NHSL1: variants seen among roughly 807,000 people sequenced by gnomAD.
The protein encoded by NHSL1 is NHS like 1.
Under a neutral mutation model 95.0 loss-of-function variants are expected in NHSL1, and 48 were observed. The observed-to-expected ratio is 0.51, with a 90% CI of 0.40 to 0.64. NHSL1 has a LOEUF of 0.64. NHSL1 is among the 30% of genes least tolerant of loss of function. NHSL1 has a pLI of 0.00. For synonymous variants in NHSL1, 783 were observed against 833.9 expected (o/e 0.94, Z 1.05); for missense variants, 1,971 against 2,077.7 (o/e 0.95, Z 1.00).
At chr6:138,624,514 T>TA (rs900877393) in intron 1 of NHSL1, among the ~76,000 whole-genome samples, 23 of 151,634 alleles carry the variant, frequency 1.5e-4, no homozygotes, top group African/African-American at 3.4e-4. Flanking sequence ...ATACACACTA[T>TA]AAAAAAAAGG....
chr6:138,628,398 A>G (rs970624253), intron 1 of NHSL1, among the ~76,000 whole-genome samples: 2 of 152,130 alleles, frequency 1.3e-5, no homozygotes, highest in Non-Finnish European at 2.9e-5. Flanking sequence ...TTTAATATGC[A>G]TATTTTGGGA....
intron 1 of NHSL1, among the ~76,000 whole-genome samples, chr6:138,570,055 A>G (rs1481410847): frequency 6.6e-6 from 1 of 152,174 alleles, no homozygotes; most frequent in East Asian, 1.9e-4. Context: ...TTTATTTTCC[A>G]CAAGTCACAT....
In NHSL1 at chr6:138,473,365, C is replaced by T; in HGVS notation, c.280G>A (p.Ala94Thr). ...TCATCACAGAATGGGCTGGCGTTGG[C>T]CGCAAAGGTGGGTCCCTGAGAGTAG... ...QYYSQGPTFA[A>T]NASPFCDDYQ... The change falls in exon 3 of 8, where the codon GCC (alanine) becomes ACC (threonine). Residue 94 changes from alanine to threonine, a missense_variant. Ala to Thr is a moderately conservative substitution (Grantham distance 58). This residue lies in a region of NHSL1 where 1,602 missense variants were observed against 1,654.5 expected (regional missense o/e 0.97). Coordinates refer to ENST00000343505, the MANE Select transcript of NHSL1 (RefSeq NM_001144060.2). 1 of 1,548,516 alleles carries T rather than the reference C, an allele frequency of 6.5e-7. No homozygotes were observed. The highest frequency in any genetic ancestry group is 8.7e-7 in the Non-Finnish European group (1 of 1,145,804).
intron 1 of NHSL1, among the ~76,000 whole-genome samples, chr6:138,669,182 T>C: frequency 6.6e-6 from 1 of 152,114 alleles, no homozygotes; most frequent in East Asian, 1.9e-4. Context: ...GAAAGTGTCC[T>C]GGAGTTCTAG....
chr6:138,573,147 A>G (rs74950128), upstream of NHSL1, among the ~76,000 whole-genome samples: 4,789 of 152,268 alleles, frequency 0.031, 104 homozygotes, highest in East Asian at 0.055. Context: ...ACAAAGAGTC[A>G]TCAGAGAGCT....
intron 1 of NHSL1, among the ~76,000 whole-genome samples, chr6:138,673,090 C>A (rs1785400177): frequency 1.3e-5 from 2 of 151,904 alleles, no homozygotes; most frequent in Admixed American, 1.3e-4. Flanking sequence ...TTTCTATTAT[C>A]TCTCTTCTCC....
At chr6:138,550,200 CT>C (rs1381831599), upstream of NHSL1, among the ~76,000 whole-genome samples, 1 of 151,912 alleles carries the variant, frequency 6.6e-6, no homozygotes, top group Non-Finnish European at 1.5e-5. Flanking sequence ...GATCGTGCCA[CT>C]GTATTCCAGC....
chr6:138,598,437 GGC>G (rs1258598349), intron 1 of NHSL1, among the ~76,000 whole-genome samples: 1 of 148,818 alleles, frequency 6.7e-6, no homozygotes, highest in Non-Finnish European at 1.5e-5. Context: ...CAGCCTGGGT[GGC>G]AGAGCAAGAC....
chr6:138,440,868 G>C (rs1348141687), intron 5 of NHSL1, among the ~76,000 whole-genome samples: 1 of 152,214 alleles, frequency 6.6e-6, no homozygotes, highest in Non-Finnish European at 1.5e-5. Context: ...ATGACTCTGA[G>C]TTTCTAGAGT....
At chr6:138,487,969 C>T (rs1158032747) in intron 2 of NHSL1, among the ~76,000 whole-genome samples, 1 of 152,140 alleles carries the variant, frequency 6.6e-6, no homozygotes, top group Non-Finnish European at 1.5e-5. Context: ...TATAAGTAAT[C>T]GAAAGTTTCT....
intron 1 of NHSL1, among the ~76,000 whole-genome samples, chr6:138,589,169 G>C (rs1784187030): frequency 6.6e-6 from 1 of 152,168 alleles, no homozygotes; most frequent in South Asian, 2.1e-4. Context: ...AAGCAATCAA[G>C]TATCCATTAG....
intron 1 of NHSL1, among the ~76,000 whole-genome samples, chr6:138,507,888 G>A (rs1781038530): frequency 1.3e-5 from 2 of 152,034 alleles, no homozygotes; most frequent in Admixed American, 6.6e-5. Flanking sequence ...GACAGAAAGG[G>A]GAACCTTAGG....
At chr6:138,541,822 A>T (rs1782592352) in intron 1 of NHSL1, among the ~76,000 whole-genome samples, 2 of 152,224 alleles carry the variant, frequency 1.3e-5, no homozygotes, top group Non-Finnish European at 2.9e-5. Flanking sequence ...CTACCTACAC[A>T]TACAAACTCA....
At chr6:138,438,591 C>G (rs1032697024) in intron 5 of NHSL1, among the ~76,000 whole-genome samples, 15 of 152,086 alleles carry the variant, frequency 9.9e-5, no homozygotes, top group Non-Finnish European at 2.1e-4. Flanking sequence ...AGGTGCTGCT[C>G]AAACTTGATG....
chr6:138,552,582 C>T (rs1278663533), intron 1 of NHSL1, among the ~76,000 whole-genome samples: 1 of 152,102 alleles, frequency 6.6e-6, no homozygotes, highest in Non-Finnish European at 1.5e-5. Flanking sequence ...ACTCATGGCA[C>T]CCTAGCTGGC....
intron 1 of NHSL1, among the ~76,000 whole-genome samples, chr6:138,672,566 G>C (rs995600895): frequency 3.3e-5 from 5 of 152,104 alleles, no homozygotes; most frequent in African/African-American, 4.8e-5. Flanking sequence ...TTCTAAAGTG[G>C]AATCAAGTAC....
At chr6:138,592,272 C>G (rs1294063080) in intron 1 of NHSL1, among the ~76,000 whole-genome samples, 1 of 152,150 alleles carries the variant, frequency 6.6e-6, no homozygotes, top group East Asian at 1.9e-4. Context: ...GAAAATAGAA[C>G]ACAAGATTCT....
At chr6:138,566,107 C>A (rs1432513450) in intron 1 of NHSL1, among the ~76,000 whole-genome samples, 1 of 151,872 alleles carries the variant, frequency 6.6e-6, no homozygotes, top group African/African-American at 2.4e-5. Flanking sequence ...TTATTAAAAA[C>A]AAACTGTTGG....
At chr6:138,433,804 T>C in intron 5 of NHSL1, 124 bp from the exon 6 acceptor site, 1 of 1,340,814 alleles carries the variant, frequency 7.5e-7, no homozygotes, top group Non-Finnish European at 9.7e-7. Context: ...TCCTTTCTCC[T>C]GTAGGTATCT....
Sources: allele counts gnomAD v4.1 joint callset (sites outside exome capture counted in the v4.1 genomes callset), GRCh38; gene constraint gnomAD v4.1.1; regional missense constraint gnomAD v4.1.1; transcripts MANE v1.5; gene names NCBI Gene and HGNC (gene_info 2026-07-23, HGNC 2026-07-21).